The following WIPI1 variants were observed in gnomAD, a reference collection of about 807,000 sequenced individuals.
WIPI1 encodes the protein WD repeat domain phosphoinositide-interacting protein 1.
WIPI1 carries 45 observed loss-of-function variants against 55.3 expected under a neutral mutation model. The observed-to-expected ratio is 0.81, with a 90% CI of 0.64 to 1.04. The LOEUF is 1.04. WIPI1 is among the 50% of genes least tolerant of loss of function. The probability of loss-of-function intolerance (pLI) is 0.00; values close to 1 mark genes in which losing one functional copy is unlikely to be tolerated. For missense variants in WIPI1, 445 were observed against 559.0 expected (o/e 0.80, Z 2.06); for synonymous variants, 195 against 217.6 (o/e 0.90, Z 0.92).
chr17:68,444,667 CAT>C, intron 3 of WIPI1, 78 bp from the exon 4 acceptor site: 1 of 1,193,588 alleles, frequency 8.4e-7, no homozygotes. Flanking sequence ...ATTCATCTTT[CAT>C]ATGAGTCCTA....
In WIPI1 at chr17:68,423,683, A is replaced by G. The variant is rs1223214865; in HGVS notation, c.1294-1863T>C. ...GCTTCCTGGCACTGAATGGGCACACAGGCCTCAGGACAAACTTTCTTACTG... is the reference window on the plus strand; with the variant it reads ...GCTTCCTGGCACTGAATGGGCACACGGGCCTCAGGACAAACTTTCTTACTG... On this transcript the variant is annotated intron_variant, in intron 12 of 12. Transcript: ENST00000262139. The surrounding 1 kb of genome is among the most constrained non-coding windows in gnomAD (Gnocchi z 4.4). Among the ~76,000 whole-genome samples the G allele has an allele frequency of 6.6e-6, 1 of 152,236 alleles. No homozygotes were observed. The highest frequency in any genetic ancestry group is 2.4e-5 in the African/African-American group (1 of 41,468).
intron 4 of WIPI1, among the ~76,000 whole-genome samples, chr17:68,443,721 C>G (rs961466608): frequency 1.3e-5 from 2 of 152,090 alleles, no homozygotes; most frequent in Non-Finnish European, 2.9e-5. Flanking sequence ...AGCAGTTGTT[C>G]AATGATACTA....
At chr17:68,427,800 C>T (rs1223743881) in intron 10 of WIPI1, among the ~76,000 whole-genome samples, 2 of 152,212 alleles carry the variant, frequency 1.3e-5, no homozygotes, top group South Asian at 2.1e-4. Context: ...GAGCAGCCAT[C>T]GGTGGGGGGC....
At chr17:68,435,549 A>G (rs1219230872) in intron 6 of WIPI1, 71 bp downstream of exon 6, 7 of 1,482,346 alleles carry the variant, frequency 4.7e-6, no homozygotes, top group East Asian at 4.5e-5. Flanking sequence ...GGTTTGTTCA[A>G]TCCCATCCCT....
intron 1 of WIPI1, among the ~76,000 whole-genome samples, chr17:68,453,808 T>A (rs2084580274): frequency 6.6e-6 from 1 of 152,158 alleles, no homozygotes; most frequent in South Asian, 2.1e-4. Flanking sequence ...TAGTAGGTCA[T>A]TAGTAGGTAA....
chr17:68,443,963 T>G (rs1227373435), intron 4 of WIPI1, among the ~76,000 whole-genome samples: 1 of 152,254 alleles, frequency 6.6e-6, no homozygotes. Flanking sequence ...ACACCAGGAA[T>G]GTATTAAATA....
intron 6 of WIPI1, 143 bp from the exon 7 acceptor site, chr17:68,434,769 A>G (rs1469745693): frequency 1.3e-5 from 10 of 760,806 alleles, no homozygotes; most frequent in Admixed American, 2.9e-5. Context: ...AGGCATGTTT[A>G]TTTATGTGCC....
At chr17:68,442,730 C>A (rs895448655) in intron 4 of WIPI1, among the ~76,000 whole-genome samples, 43 of 152,310 alleles carry the variant, frequency 2.8e-4, no homozygotes, top group African/African-American at 9.9e-4. Context: ...CCTCTCATTC[C>A]TGATCAGAAG....
At chr17:68,445,865 G>A (rs1803367508) in intron 3 of WIPI1, among the ~76,000 whole-genome samples, 2 of 152,172 alleles carry the variant, frequency 1.3e-5, no homozygotes, top group Non-Finnish European at 2.9e-5. Flanking sequence ...GTGTTTCTTA[G>A]ACCTGGATGC....
rs867167673 is a variant in WIPI1 at position 68,424,319 on chromosome 17, T to C, written c.1293+1756A>G. On this transcript the variant is annotated intron_variant, in intron 12 of 12. Coordinates refer to ENST00000262139, the MANE Select transcript of WIPI1 (RefSeq NM_017983.7). ...CGACCCGCAGAGCCGATGTGGGAAATCACAAAACAACAGCCCCAGCCCTGC... is the reference window on the plus strand; with the variant it reads ...CGACCCGCAGAGCCGATGTGGGAAACCACAAAACAACAGCCCCAGCCCTGC... 10 of 437,164 alleles carry C rather than the reference T, an allele frequency of 2.3e-5. No homozygotes were observed. In the Middle Eastern group the frequency reaches 1.1e-3, roughly 46 times the overall value. The allele number at this position is 437,164 out of a possible 1,614,324, so 27.1% of individuals were successfully genotyped here.
intron 4 of WIPI1, among the ~76,000 whole-genome samples, chr17:68,437,948 T>TAAAAAAAAAAAAAAAAAAAAAA (rs199649033): frequency 1.3e-5 from 1 of 78,806 alleles, no homozygotes; most frequent in African/African-American, 4.8e-5. Context: ...ACATCTCTCT[T>TAAAAAAAAAAAAAAAAAAAAAA]AAAAAAAAAA....
chr17:68,457,066 C>T (rs576660354), intron 1 of WIPI1, among the ~76,000 whole-genome samples: 2 of 152,190 alleles, frequency 1.3e-5, no homozygotes, highest in African/African-American at 4.8e-5. Flanking sequence ...CCGTGGCCCC[C>T]GCAGCCCCAC....
In WIPI1 at chr17:68,433,760, G is replaced by GTTTTTTTTTTTT. The variant is rs556777098; in HGVS notation, c.693-197_693-186dup. On this transcript the variant is annotated intron_variant, in intron 7 of 12. Transcript: ENST00000262139. ...TCAGAAAGATTCACAAAGGGTCATA[G>GTTTTTTTTTTTT]TTTTTTTTTTTTTTTTTTTTTTTTT... Among the ~76,000 whole-genome samples, 14 of 72,820 alleles carry GTTTTTTTTTTTT rather than the reference G, an allele frequency of 1.9e-4. 2 individuals are homozygous for GTTTTTTTTTTTT. Among genetic ancestry groups the GTTTTTTTTTTTT allele is most frequent in the African/African-American group, 7.2e-4 (11 of 15,266 alleles). The allele number at this position is 72,820 out of a possible 152,430, so 47.8% of individuals were successfully genotyped here.
chr17:68,445,872 A>ATGCCCAAGGAGC (rs1214520140), intron 3 of WIPI1, among the ~76,000 whole-genome samples: 2 of 152,280 alleles, frequency 1.3e-5, no homozygotes, highest in South Asian at 2.1e-4. Flanking sequence ...TTAGACCTGG[A>ATGCCCAAGGAGC]TGCCCAAGGA....
Position 68,444,476 on chromosome 17 carries a change from C to T in WIPI1, c.430+17G>A. 6.2e-7 allele frequency: 1 copy of T among 1,605,398 alleles called. No homozygotes were observed. The highest frequency in any genetic ancestry group is 1.7e-4 in the Middle Eastern group (1 of 6,038). On this transcript the variant is annotated intron_variant, in intron 4 of 12. Coordinates refer to ENST00000262139, the MANE Select transcript of WIPI1 (RefSeq NM_017983.7). ...ACATGAAATTTCAGGGACATTTGTT[C>T]CATTTTTGGAGCTCACCTGTTGGGT...
At chr17:68,436,573 C>T (rs2083799523) in intron 4 of WIPI1, 94 bp from the exon 5 acceptor site, 1 of 1,111,122 alleles carries the variant, frequency 9.0e-7, no homozygotes, top group East Asian at 2.5e-5. Flanking sequence ...GCTACAGTGC[C>T]ACCTACTGGC....
chr17:68,445,439 ACT>A lies in WIPI1; in HGVS notation c.334-852_334-851del, dbSNP rs146637720. ...CCAGCTCTAACTTATTTCTACTCAG[ACT>A]CTCCTCCAGGCCTGCTTTTGGGCCG... On this transcript the variant is annotated intron_variant, in intron 3 of 12. Transcript: ENST00000262139. 5.4e-3 allele frequency among the ~76,000 whole-genome samples: 822 copies of A among 151,694 alleles called. 28 individuals are homozygous for A. In the East Asian group the frequency reaches 0.097, roughly 18 times the overall value.
chr17:68,437,798 G>T (rs576044138), intron 4 of WIPI1, among the ~76,000 whole-genome samples: 1 of 151,874 alleles, frequency 6.6e-6, no homozygotes, highest in Non-Finnish European at 1.5e-5. Flanking sequence ...ATTTATAAGG[G>T]GATTCAAGAA....
chr17:68,424,064 C>T (rs1272751644), intron 12 of WIPI1, among the ~76,000 whole-genome samples: 2 of 152,178 alleles, frequency 1.3e-5, no homozygotes, highest in Non-Finnish European at 2.9e-5. Flanking sequence ...TAACCACCGC[C>T]TCTTGAGGGT....
Sources: gnomAD v4.1 joint callset for allele counts (sites outside exome capture counted in the v4.1 genomes callset) on GRCh38, gnomAD v4.1.1 for gene constraint, Gnocchi (gnomAD v3.1) non-coding constraint, MANE v1.5 for transcripts, NCBI Gene and HGNC (gene_info 2026-07-23, HGNC 2026-07-21) for gene names.